Variants in AIF1L observed in about 807,000 individuals in gnomAD.
AIF1L encodes allograft inflammatory factor 1 like.
A neutral mutation model predicts 20.7 loss-of-function variants in AIF1L; 12 were observed. That is an observed-to-expected ratio of 0.58 (90% CI 0.37 to 0.94). The LOEUF is 0.94. Ranked by LOEUF, AIF1L falls within the 40% of genes least tolerant of loss-of-function variation. The pLI is 0.01. For synonymous variants in AIF1L, 76 were observed against 65.1 expected (o/e 1.17, Z -0.81); for missense variants, 173 against 185.3 (o/e 0.93, Z 0.39).
intron 4 of AIF1L, among the ~76,000 whole-genome samples, chr9:131,117,241 A>G (rs931314093): frequency 6.6e-6 from 1 of 152,060 alleles, no homozygotes; most frequent in Admixed American, 6.5e-5. Context: ...ACGTGGGGAG[A>G]AGCCACCTGC....
chr9:131,111,043 G>T (rs1461222025), intron 2 of AIF1L, among the ~76,000 whole-genome samples: 1 of 151,934 alleles, frequency 6.6e-6, no homozygotes, highest in Non-Finnish European at 1.5e-5. Context: ...GGGCATGGTG[G>T]CAGGCGCCTG....
intron 2 of AIF1L, chr9:131,111,360 C>T (rs963745851): frequency 6.4e-6 from 3 of 465,746 alleles, no homozygotes; most frequent in African/African-American, 2.0e-5. Flanking sequence ...AGGGCTTAGT[C>T]ACCCGTAGTG....
chr9:131,102,856 A>G (rs1056386186), intron 2 of AIF1L: 8 of 456,150 alleles, frequency 1.8e-5, no homozygotes, highest in Admixed American at 4.7e-5. Context: ...GTTCTTGTCC[A>G]AGGCCTGAGC....
intron 2 of AIF1L, among the ~76,000 whole-genome samples, chr9:131,103,299 T>C (rs555351133): frequency 2.0e-5 from 3 of 152,306 alleles, no homozygotes; most frequent in South Asian, 4.1e-4. Flanking sequence ...AAACTTGCCC[T>C]TGAGGGATGG....
At chr9:131,097,633 A>T (rs941090987) in intron 2 of AIF1L, among the ~76,000 whole-genome samples, 1 of 152,244 alleles carries the variant, frequency 6.6e-6, no homozygotes, top group Non-Finnish European at 1.5e-5. Flanking sequence ...AAATTTACAT[A>T]GATTCTAGAA....
intron 2 of AIF1L, among the ~76,000 whole-genome samples, chr9:131,099,649 C>T (rs1016951546): frequency 7.2e-5 from 11 of 152,038 alleles, no homozygotes; most frequent in Non-Finnish European, 1.3e-4. Flanking sequence ...TTCTCTGGGC[C>T]GATACCTAGT....
intron 5 of AIF1L, among the ~76,000 whole-genome samples, chr9:131,119,740 G>A (rs1337602805): frequency 6.6e-6 from 1 of 152,180 alleles, no homozygotes; most frequent in Non-Finnish European, 1.5e-5. Flanking sequence ...CAAGTGTCTT[G>A]CTTGAGCCAC....
At chr9:131,115,741 A>G (rs1056688250) in intron 4 of AIF1L, among the ~76,000 whole-genome samples, 2 of 152,012 alleles carry the variant, frequency 1.3e-5, no homozygotes, top group Non-Finnish European at 2.9e-5. Context: ...TGGGAGGCCA[A>G]GGCGGGCGGA....
At chr9:131,103,373 G>A (rs1830679519) in intron 2 of AIF1L, among the ~76,000 whole-genome samples, 1 of 152,192 alleles carries the variant, frequency 6.6e-6, no homozygotes, top group African/African-American at 2.4e-5. Context: ...CATGGTCGGT[G>A]GGTGATGTTC....
chr9:131,106,352 C>T (rs917456699), intron 2 of AIF1L: 22 of 1,001,202 alleles, frequency 2.2e-5, no homozygotes, highest in Middle Eastern at 2.0e-4. Context: ...ACATTCTAGC[C>T]GGGGAGGCAG....
chr9:131,120,685 G>T lies in AIF1L; in HGVS notation c.*363G>T. 1 of 300,212 alleles carries T rather than the reference G, an allele frequency of 3.3e-6. No individual in the cohort carries two copies. The highest frequency in any genetic ancestry group is 4.8e-5 in the Admixed American group (1 of 20,832). 18.6% of individuals were successfully genotyped at this position (300,212 alleles called of 1,614,324 possible). On this transcript the variant is annotated 3_prime_UTR_variant, in exon 6 of 6. Transcript: ENST00000247291. ...TCCTTTCAGAAAGTCTCCAAGCCAA[G>T]TTCAGGCTCACTGACCTGGCTCTGA...
At chr9:131,100,278 A>G (rs1222297882) in intron 2 of AIF1L, among the ~76,000 whole-genome samples, 2 of 152,206 alleles carry the variant, frequency 1.3e-5, no homozygotes, top group Admixed American at 1.3e-4. Context: ...ATCCCAGTAG[A>G]GGAAGGGAGG....
chr9:131,113,144 A>C (rs1564167892), intron 3 of AIF1L, among the ~76,000 whole-genome samples: 1 of 152,010 alleles, frequency 6.6e-6, no homozygotes, highest in Non-Finnish European at 1.5e-5. Flanking sequence ...TAGGTGCTTC[A>C]GTGAGAAATG....
In AIF1L at chr9:131,106,155, C is replaced by T. The variant is rs899763349; in HGVS notation, c.94-5442C>T. On this transcript the variant is annotated intron_variant, in intron 2 of 5. Coordinates refer to ENST00000247291, the MANE Select transcript of AIF1L (RefSeq NM_031426.4). ...CCTGTGGCTGGGGCCCTGCCTCCTC[C>T]GAGCTGCCTCCTGATACCCACTTCC... The T allele has an allele frequency of 7.0e-5, 107 of 1,526,974 alleles. No individual in the cohort carries two copies. In the East Asian group the frequency reaches 1.4e-3, roughly 20 times the overall value. 94.6% of individuals were successfully genotyped at this position (1,526,974 alleles called of 1,614,324 possible).
Position 131,109,223 on chromosome 9 carries a change from A to G in AIF1L, c.94-2374A>G, listed in dbSNP as rs2484531. 3.2e-3 allele frequency among the ~76,000 whole-genome samples: 205 copies of G among 63,310 alleles called. 1 individual carries two copies. The Middle Eastern group carries it at 0.091, about 28-fold the overall frequency. The allele number at this position is 63,310 out of a possible 152,430, so 41.5% of individuals were successfully genotyped here. A position where few individuals can be genotyped will look rare whatever the true frequency, so the allele number is the denominator to read the frequency against. ...GAATGAATGAATGAATGAATGAATG[A>G]AGGAGCAATGTCCATGTCCAGTGAG... On this transcript the variant is annotated intron_variant, in intron 2 of 5. Transcript: ENST00000247291.
chr9:131,114,552 C>G, intron 3 of AIF1L, 25 bp from the exon 4 acceptor site: 1 of 1,613,502 alleles, frequency 6.2e-7, no homozygotes, highest in Non-Finnish European at 8.5e-7. Context: ...CAAACTAATG[C>G]TAGTTTTTGC....
chr9:131,103,713 G>A (rs539105758), intron 2 of AIF1L, among the ~76,000 whole-genome samples: 1 of 152,292 alleles, frequency 6.6e-6, no homozygotes, highest in South Asian at 2.1e-4. Context: ...ATATCATTAT[G>A]ATCCCATTTG....
chr9:131,106,289 A>C lies in AIF1L; in HGVS notation c.94-5308A>C, dbSNP rs969684167. 17 of 1,429,072 alleles carry C rather than the reference A, an allele frequency of 1.2e-5. No individual in the cohort carries two copies. The East Asian group carries it at 3.7e-4, about 31-fold the overall frequency. 88.5% of individuals were successfully genotyped at this position (1,429,072 alleles called of 1,614,324 possible). A position where few individuals can be genotyped will look rare whatever the true frequency, so the allele number is the denominator to read the frequency against. On this transcript the variant is annotated intron_variant, in intron 2 of 5. Coordinates refer to ENST00000247291, the MANE Select transcript of AIF1L (RefSeq NM_031426.4). ...AGGCAAGTTAGTTAACCTGAGTCTC[A>C]ACTCCTCCACTCATCCTGCACATGT...
Position 131,121,201 on chromosome 9 carries a change from C to CA in AIF1L, c.*881dup. On this transcript the variant is annotated 3_prime_UTR_variant, in exon 6 of 6. Coordinates refer to ENST00000247291, the MANE Select transcript of AIF1L (RefSeq NM_031426.4). ...ACTGGTAAGCCAAGACTGAGAAATA[C>CA]AAGGTTGCTTGTCTGACCCCAATCT... 1.4e-6 allele frequency: 1 copy of CA among 689,978 alleles called. No individual in the cohort carries two copies. 42.7% of individuals were successfully genotyped at this position (689,978 alleles called of 1,614,324 possible).
Sources: allele counts gnomAD v4.1 joint callset (sites outside exome capture counted in the v4.1 genomes callset), GRCh38; gene constraint gnomAD v4.1.1; transcripts MANE v1.5; gene names NCBI Gene and HGNC (gene_info 2026-07-23, HGNC 2026-07-21).